Variants in PIEZO2 observed in about 807,000 individuals in gnomAD.
The protein encoded by PIEZO2 is piezo type mechanosensitive ion channel component 2, also known as piezo-type mechanosensitive ion channel component 2.
A neutral mutation model predicts 337.3 loss-of-function variants in PIEZO2; 172 were observed. The observed-to-expected ratio is 0.51, with a 90% CI of 0.45 to 0.58. PIEZO2 has a LOEUF of 0.58. Among genes scored for constraint, PIEZO2 ranks in the 20% least tolerant of loss-of-function variants. The pLI is 0.00. For missense variants in PIEZO2, 3,028 were observed against 3,391.3 expected (o/e 0.89, Z 2.66); for synonymous variants, 1,251 against 1,228.5 (o/e 1.02, Z -0.38).
At position 10,724,685 on chromosome 18, in the gene PIEZO2, C is replaced by T. The variant is rs2036456246; in HGVS notation, c.5030-6426G>A. The T allele has an allele frequency of 2.8e-6, 3 of 1,059,876 alleles. No homozygotes were observed. The highest frequency in any genetic ancestry group is 4.8e-5 in the East Asian group (2 of 41,536). The allele number at this position is 1,059,876 out of a possible 1,614,324, so 65.7% of individuals were successfully genotyped here. ...ACCAGCCCACCTACCAGTCTGCTGTCCCTGCGTCATAGGCTGAAGCACTCA... is the reference window on the plus strand; with the variant it reads ...ACCAGCCCACCTACCAGTCTGCTGTTCCTGCGTCATAGGCTGAAGCACTCA... On this transcript the variant is annotated intron_variant, in intron 36 of 55. Coordinates refer to ENST00000674853, the MANE Select transcript of PIEZO2 (RefSeq NM_001378183.1). The surrounding 1 kb of genome is among the most constrained non-coding windows in gnomAD (Gnocchi z 5.8).
intron 48 of PIEZO2, among the ~76,000 whole-genome samples, chr18:10,690,093 T>A: frequency 6.9e-6 from 1 of 144,284 alleles, no homozygotes. Context: ...TTCTTTCACA[T>A]TTATTTGTTC....
At chr18:10,698,770 G>C (rs1034110016) in intron 44 of PIEZO2, among the ~76,000 whole-genome samples, 155 bp downstream of exon 44, 6 of 152,096 alleles carry the variant, frequency 3.9e-5, no homozygotes, top group Non-Finnish European at 8.8e-5. Context: ...ATTTGAACTC[G>C]GGTTTCTCTG....
rs746504091 is a variant in PIEZO2, at chr18:11,094,709, A to G, written c.65-28487T>C. On this transcript the variant is annotated intron_variant, in intron 1 of 55. Coordinates refer to ENST00000674853, the MANE Select transcript of PIEZO2 (RefSeq NM_001378183.1). The surrounding 1 kb of genome is among the most constrained non-coding windows in gnomAD (Gnocchi z 4.4). The stretch of plus-strand genomic sequence containing the variant: ...TTTTCTGTACAGATTCTAACAGGAA[A>G]GAAAAATGGGAGCTGGATGAAGAGC... 2.0e-4 allele frequency among the ~76,000 whole-genome samples: 30 copies of G among 152,378 alleles called. No homozygotes were observed. Among genetic ancestry groups the G allele is most frequent in the Middle Eastern group, 3.4e-3 (1 of 294 alleles).
Position 10,847,867 on chromosome 18 carries a change from A to G in PIEZO2, c.917+7486T>C, listed in dbSNP as rs545953921. Among the ~76,000 whole-genome samples, 4 of 152,370 alleles carry G rather than the reference A, an allele frequency of 2.6e-5. No individual in the cohort carries two copies. In the East Asian group the frequency reaches 7.7e-4, roughly 29 times the overall value. ...CTAGAGATTAACTGCTGCCAATGCC[A>G]TCTTCTAACAAAAAGGTGAAGGGAA... On this transcript the variant is annotated intron_variant, in intron 7 of 55. Coordinates refer to ENST00000674853, the MANE Select transcript of PIEZO2 (RefSeq NM_001378183.1). The surrounding 1 kb of genome is among the most constrained non-coding windows in gnomAD (Gnocchi z 5.7).
At chr18:10,955,349 G>A (rs933490321) in intron 3 of PIEZO2, among the ~76,000 whole-genome samples, 9 of 152,196 alleles carry the variant, frequency 5.9e-5, no homozygotes, top group Non-Finnish European at 8.8e-5. Flanking sequence ...GGCATGGCCT[G>A]TCTGGGAGGC....
intron 7 of PIEZO2, among the ~76,000 whole-genome samples, chr18:10,817,617 A>G (rs1055898362): frequency 1.1e-4 from 16 of 152,196 alleles, no homozygotes; most frequent in Non-Finnish European, 7.3e-5. Flanking sequence ...AGACAGAAAC[A>G]TTCTTCAAAA....
chr18:10,717,507 A>C (rs567816940), intron 37 of PIEZO2, among the ~76,000 whole-genome samples: 1 of 152,368 alleles, frequency 6.6e-6, no homozygotes, highest in East Asian at 1.9e-4. Context: ...ATAACCGCAT[A>C]GGCGCTCCAA....
Position 10,766,533 on chromosome 18 carries a change from G to T in PIEZO2, c.2947-3435C>A, listed in dbSNP as rs2038365301. Among the ~76,000 whole-genome samples, 1 of 152,170 alleles carries T rather than the reference G, an allele frequency of 6.6e-6. No individual in the cohort carries two copies. Among genetic ancestry groups the T allele is most frequent in the South Asian group, 2.1e-4 (1 of 4,830 alleles). On this transcript the variant is annotated intron_variant, in intron 21 of 55. Coordinates refer to ENST00000674853, the MANE Select transcript of PIEZO2 (RefSeq NM_001378183.1). The surrounding 1 kb of genome is among the most constrained non-coding windows in gnomAD (Gnocchi z 6.1). The stretch of plus-strand genomic sequence containing the variant: ...CTGTACACAGGTTGTCATCCTATCT[G>T]AATATAACCTTGTGGGGCCTGAGGG...
intron 2 of PIEZO2, among the ~76,000 whole-genome samples, chr18:10,994,368 G>A (rs2035222219): frequency 6.6e-6 from 1 of 150,782 alleles, no homozygotes; most frequent in South Asian, 2.1e-4. Flanking sequence ...TGGGATTATT[G>A]GATCAAATGG....
In PIEZO2 at chr18:10,815,009, T is replaced by C. The variant is rs561186943; in HGVS notation, c.918-7735A>G. Among the ~76,000 whole-genome samples, 5 of 152,308 alleles carry C rather than the reference T, an allele frequency of 3.3e-5. No homozygotes were observed. The South Asian group carries it at 1.0e-3, about 32-fold the overall frequency. ...GATGGTCCCTGGGGATTTAATTCTTTAAGTAGACATAGGTGCCCTGCAGCA... is the reference window on the plus strand; with the variant it reads ...GATGGTCCCTGGGGATTTAATTCTTCAAGTAGACATAGGTGCCCTGCAGCA... On this transcript the variant is annotated intron_variant, in intron 7 of 55. Coordinates refer to ENST00000674853, the MANE Select transcript of PIEZO2 (RefSeq NM_001378183.1). This position sits in a 1 kb window ranked among gnomAD's most constrained non-coding sequence, Gnocchi z 4.1.
chr18:10,818,828 G>A (rs1165821907), intron 7 of PIEZO2, among the ~76,000 whole-genome samples: 1 of 152,046 alleles, frequency 6.6e-6, no homozygotes, highest in African/African-American at 2.4e-5. Context: ...CTATTCTCCT[G>A]TTGTCAAAGA....
chr18:10,940,671 A>G lies in PIEZO2; in HGVS notation c.287-29443T>C, dbSNP rs927842740. On this transcript the variant is annotated intron_variant, in intron 3 of 55. Coordinates refer to ENST00000674853, the MANE Select transcript of PIEZO2 (RefSeq NM_001378183.1). This position sits in a 1 kb window ranked among gnomAD's most constrained non-coding sequence, Gnocchi z 5.3. ...AAGGCCAAGTGATTGAGACCATCCT[A>G]GCCAACATGGTGAAACCCTATCTCT... Among the ~76,000 whole-genome samples the G allele has an allele frequency of 6.6e-6, 1 of 152,154 alleles. No individual in the cohort carries two copies. The highest frequency in any genetic ancestry group is 2.4e-5 in the African/African-American group (1 of 41,440).
rs1002187078 is a variant in PIEZO2, at chr18:10,682,470, T to C, written c.7498-178A>G. ...ACCTTGTCCCAATCTCGAAATGAAGTTAGGTAGTGATGTGAAGCTGTCCTG... is the reference window on the plus strand; with the variant it reads ...ACCTTGTCCCAATCTCGAAATGAAGCTAGGTAGTGATGTGAAGCTGTCCTG... On this transcript the variant is annotated intron_variant, in intron 49 of 55. Coordinates refer to ENST00000674853, the MANE Select transcript of PIEZO2 (RefSeq NM_001378183.1). This position sits in a 1 kb window ranked among gnomAD's most constrained non-coding sequence, Gnocchi z 5.6. Among the ~76,000 whole-genome samples the C allele has an allele frequency of 3.3e-5, 5 of 152,070 alleles. No homozygotes were observed. The highest frequency in any genetic ancestry group is 5.9e-5 in the Non-Finnish European group (4 of 68,012).
intron 3 of PIEZO2, among the ~76,000 whole-genome samples, chr18:10,956,913 G>T (rs1331878071): frequency 1.4e-5 from 2 of 146,178 alleles, no homozygotes; most frequent in Non-Finnish European, 3.0e-5. Flanking sequence ...AGGCTGCAGT[G>T]AGCCGAGATC....
At chr18:10,780,246 T>C (rs1598469507) in intron 18 of PIEZO2, 79 bp downstream of exon 18, 1 of 693,834 alleles carries the variant, frequency 1.4e-6, no homozygotes, top group Non-Finnish European at 2.6e-6. Flanking sequence ...ACGATTTTCA[T>C]GTATAAAGCA....
At chr18:10,720,385 GTGTGTGTGTGTGTGTGTGTATGTGTA>G (rs2036227105) in intron 36 of PIEZO2, among the ~76,000 whole-genome samples, 1 of 34,892 alleles carries the variant, frequency 2.9e-5, no homozygotes, top group African/African-American at 8.4e-5. Context: ...GTGTGTGTGT[GTGTGTGTGTGTGTGTGTGTATGTGTA>G]TGTGTATGTA....
chr18:11,059,708 T>G (rs1192079967), intron 2 of PIEZO2, among the ~76,000 whole-genome samples: 2 of 152,194 alleles, frequency 1.3e-5, no homozygotes, highest in Non-Finnish European at 2.9e-5. Context: ...AAGGGCTAAC[T>G]ACCCTAAATA....
chr18:10,683,596 C>T (rs1281731713), intron 49 of PIEZO2, among the ~76,000 whole-genome samples: 1 of 152,196 alleles, frequency 6.6e-6, no homozygotes, highest in Non-Finnish European at 1.5e-5. Flanking sequence ...GAAAGGAAGA[C>T]TAGGGTCCCA....
chr18:11,068,670 A>C (rs986362208), intron 1 of PIEZO2, among the ~76,000 whole-genome samples: 5 of 152,180 alleles, frequency 3.3e-5, no homozygotes, highest in Non-Finnish European at 7.3e-5. Flanking sequence ...AGAAGGAAAG[A>C]AATACTAAAG....
Sources: gnomAD v4.1 joint callset for allele counts (sites outside exome capture counted in the v4.1 genomes callset) on GRCh38, gnomAD v4.1.1 for gene constraint, Gnocchi (gnomAD v3.1) non-coding constraint, MANE v1.5 for transcripts, NCBI Gene and HGNC (gene_info 2026-07-23, HGNC 2026-07-21) for gene names.